The following F13A1 variants were observed in gnomAD, a reference collection of about 807,000 sequenced individuals.
The protein encoded by F13A1 is coagulation factor XIII A chain.
F13A1 carries 47 observed loss-of-function variants against 80.1 expected under a neutral mutation model. The observed-to-expected ratio is 0.59, with a 90% confidence interval of 0.46 to 0.75. The LOEUF (loss-of-function observed/expected upper bound fraction) is 0.75. F13A1 is among the 30% of genes least tolerant of loss of function. The probability of loss-of-function intolerance (pLI) is 0.00; values close to 1 mark genes in which losing one functional copy is unlikely to be tolerated. For synonymous variants in F13A1, 349 were observed against 344.9 expected (o/e 1.01, Z -0.13); for missense variants, 817 against 930.4 (o/e 0.88, Z 1.59).
At chr6:6,272,562 T>C (rs1420854727) in intron 3 of F13A1, among the ~76,000 whole-genome samples, 1 of 152,176 alleles carries the variant, frequency 6.6e-6, no homozygotes, top group Non-Finnish European at 1.5e-5. Context: ...CCTCATATGC[T>C]ATACTTAGTA....
At chr6:6,202,139 T>C (rs1583069320) in intron 8 of F13A1, among the ~76,000 whole-genome samples, 1 of 152,220 alleles carries the variant, frequency 6.6e-6, no homozygotes, top group Admixed American at 6.5e-5. Context: ...TTGAAATATA[T>C]AGTATAGTAT....
chr6:6,304,884 T>C (rs1000751639), intron 3 of F13A1, among the ~76,000 whole-genome samples: 21 of 113,604 alleles, frequency 1.8e-4, no homozygotes, highest in African/African-American at 8.2e-4. Context: ...AAAAAAAGGG[T>C]GATTAAAGTA....
chr6:6,209,296 A>G (rs1761553117), intron 8 of F13A1, among the ~76,000 whole-genome samples: 1 of 150,548 alleles, frequency 6.6e-6, no homozygotes, highest in African/African-American at 2.5e-5. Flanking sequence ...ACCACTTCAC[A>G]CCCATTAGGA....
intron 13 of F13A1, among the ~76,000 whole-genome samples, chr6:6,161,524 ATGTGTG>A (rs143895728): frequency 0.031 from 4,206 of 133,608 alleles, 87 homozygotes; most frequent in Non-Finnish European, 0.039. Context: ...CAGAGAGAGG[ATGTGTG>A]TGTGTGTGTG....
intron 8 of F13A1, among the ~76,000 whole-genome samples, chr6:6,217,928 T>G (rs1262316881): frequency 6.6e-6 from 1 of 152,124 alleles, no homozygotes; most frequent in Non-Finnish European, 1.5e-5. Context: ...GCATTAAAAA[T>G]TTTTTCCAAG....
At chr6:6,161,523 G>GGTGTGT (rs779198947) in intron 13 of F13A1, among the ~76,000 whole-genome samples, 7 of 74,692 alleles carry the variant, frequency 9.4e-5, no homozygotes, top group African/African-American at 6.8e-5. Flanking sequence ...TCAGAGAGAG[G>GGTGTGT]ATGTGTGTGT....
At chr6:6,309,238 G>A (rs1055298754) in intron 2 of F13A1, among the ~76,000 whole-genome samples, 9 of 150,986 alleles carry the variant, frequency 6.0e-5, no homozygotes, top group South Asian at 2.1e-4. Flanking sequence ...CTAAGTAAAC[G>A]CACAGCAGTA....
At chr6:6,225,176 T>G (rs966057147) in intron 6 of F13A1, among the ~76,000 whole-genome samples, 1 of 152,116 alleles carries the variant, frequency 6.6e-6, no homozygotes, top group African/African-American at 2.4e-5. Flanking sequence ...TGGTTTGGGC[T>G]AGGTTAGTGC....
intron 6 of F13A1, among the ~76,000 whole-genome samples, chr6:6,230,327 A>C (rs1615217): frequency 0.55 from 83,853 of 151,638 alleles, 25,421 homozygotes; most frequent in African/African-American, 0.81. Context: ...AGCTTCCCCC[A>C]ACTTCCCTGA....
intron 3 of F13A1, among the ~76,000 whole-genome samples, chr6:6,300,142 C>T (rs1429151325): frequency 1.4e-5 from 2 of 139,982 alleles, no homozygotes; most frequent in Non-Finnish European, 3.0e-5. Context: ...AGAACCACTG[C>T]TCTCTTCAAA....
At chr6:6,271,686 A>C (rs1757924057) in intron 3 of F13A1, among the ~76,000 whole-genome samples, 1 of 152,250 alleles carries the variant, frequency 6.6e-6, no homozygotes, top group Non-Finnish European at 1.5e-5. Flanking sequence ...GCATTTTTTC[A>C]CACTTATCAA....
At chr6:6,258,457 A>G (rs1757731979) in intron 4 of F13A1, among the ~76,000 whole-genome samples, 3 of 152,204 alleles carry the variant, frequency 2.0e-5, no homozygotes, top group African/African-American at 7.2e-5. Flanking sequence ...AGCATATAAG[A>G]GACTCTACAA....
At chr6:6,232,365 A>C (rs983569407) in intron 6 of F13A1, among the ~76,000 whole-genome samples, 2 of 152,218 alleles carry the variant, frequency 1.3e-5, no homozygotes, top group Non-Finnish European at 2.9e-5. Context: ...GAGGGACATT[A>C]TATAATGGTA....
At position 6,248,427 on chromosome 6, in the gene F13A1, G is replaced by C; in HGVS notation, c.691-8C>G. 3 of 1,608,934 alleles carry C rather than the reference G, an allele frequency of 1.9e-6. No homozygotes were observed. The highest frequency in any genetic ancestry group is 2.6e-6 in the Non-Finnish European group (3 of 1,176,320). On this transcript the variant is annotated splice_region_variant and splice_polypyrimidine_tract_variant and intron_variant, in intron 5 of 14. Transcript: ENST00000264870. Reference sequence around the variant, plus strand: ...CAGGATGCCATCTTCAAACTATTTGGAGAAAGAAAAACAAAGAGAAACTAG... The same window carrying C: ...CAGGATGCCATCTTCAAACTATTTGCAGAAAGAAAAACAAAGAGAAACTAG...
chr6:6,253,160 AAAAG>A (rs70975963), intron 4 of F13A1, among the ~76,000 whole-genome samples: 10,814 of 130,848 alleles, frequency 0.083, 345 homozygotes, highest in African/African-American at 0.17. Context: ...AAAAAAAAAA[AAAAG>A]AGAGAGAGAG....
chr6:6,164,689 C>G (rs1355175829), intron 13 of F13A1, among the ~76,000 whole-genome samples: 2 of 149,172 alleles, frequency 1.3e-5, no homozygotes, highest in Non-Finnish European at 3.0e-5. Context: ...CTTGTCCCTT[C>G]CTCTTCTCTT....
chr6:6,305,552 A>G lies in F13A1; in HGVS notation c.131-13T>C. 1.2e-6 allele frequency: 2 copies of G among 1,613,842 alleles called. No individual in the cohort carries two copies. The highest frequency in any genetic ancestry group is 1.7e-6 in the Non-Finnish European group (2 of 1,179,712). Reference sequence around the variant, plus strand: ...ACATTAAGAAACTCTATGAACAAGAAAAACAAGGGTTGAAGAAAATAATCA... The same window carrying G: ...ACATTAAGAAACTCTATGAACAAGAGAAACAAGGGTTGAAGAAAATAATCA... On this transcript the variant is annotated splice_polypyrimidine_tract_variant and intron_variant, in intron 2 of 14. Coordinates refer to ENST00000264870, the MANE Select transcript of F13A1 (RefSeq NM_000129.4).
chr6:6,145,534 AG>A lies in F13A1; in HGVS notation c.*84del. Reference sequence around the variant, plus strand: ...GTCTGGGTCTTCACACCTAAGTCAAAGCAAGAGCTATTTTTGCGTTAGAATT... The same window carrying A: ...GTCTGGGTCTTCACACCTAAGTCAAACAAGAGCTATTTTTGCGTTAGAATT... On this transcript the variant is annotated 3_prime_UTR_variant, in exon 15 of 15. Coordinates refer to ENST00000264870, the MANE Select transcript of F13A1 (RefSeq NM_000129.4). The A allele has an allele frequency of 2.5e-6, 4 of 1,580,778 alleles. No homozygotes were observed. The highest frequency in any genetic ancestry group is 3.5e-6 in the Non-Finnish European group (4 of 1,150,518).
At chr6:6,308,704 C>T (rs1294090510) in intron 2 of F13A1, among the ~76,000 whole-genome samples, 1 of 150,258 alleles carries the variant, frequency 6.7e-6, no homozygotes, top group Non-Finnish European at 1.5e-5. Context: ...CTTCTGCCTC[C>T]CGGGTTCAAG....
Sources: allele counts gnomAD v4.1 joint callset (sites outside exome capture counted in the v4.1 genomes callset), GRCh38; gene constraint gnomAD v4.1.1; transcripts MANE v1.5; gene names NCBI Gene and HGNC (gene_info 2026-07-23, HGNC 2026-07-21).